RNPEP: variants seen among roughly 807,000 people sequenced by gnomAD.
RNPEP encodes arginyl aminopeptidase.
RNPEP carries 57 observed loss-of-function variants against 70.1 expected under a neutral mutation model. The observed-to-expected ratio is 0.81, with a 90% CI of 0.66 to 1.01. The LOEUF (loss-of-function observed/expected upper bound fraction) is 1.01. RNPEP is among the 50% of genes least tolerant of loss of function. RNPEP has a pLI of 0.00. For missense variants in RNPEP, 787 were observed against 852.4 expected (o/e 0.92, Z 0.96); for synonymous variants, 335 against 357.4 (o/e 0.94, Z 0.71).
chr1:202,004,636 C>G (rs1683975213), intron 10 of RNPEP, 140 bp downstream of exon 10: 3 of 1,013,864 alleles, frequency 3.0e-6, no homozygotes, highest in South Asian at 1.6e-5. Flanking sequence ...GACCCTACCA[C>G]TCAGCCTCTT....
At position 201,983,124 on chromosome 1, in the gene RNPEP, C is replaced by T. The variant is rs757478774; in HGVS notation, c.447+11C>T. 1 of 1,449,740 alleles carries T rather than the reference C, an allele frequency of 6.9e-7. No homozygotes were observed. The highest frequency in any genetic ancestry group is 2.7e-5 in the Admixed American group (1 of 36,386). 89.8% of individuals were successfully genotyped at this position (1,449,740 alleles called of 1,614,324 possible). On this transcript the variant is annotated intron_variant, in intron 1 of 10. Coordinates refer to ENST00000295640, the MANE Select transcript of RNPEP (RefSeq NM_020216.4). ...GGGGAGGGACCCGGGGTGAGTGCGCCCCAGACTGCGCCCGCCGCTGCCTGC... is the reference window on the plus strand; with the variant it reads ...GGGGAGGGACCCGGGGTGAGTGCGCTCCAGACTGCGCCCGCCGCTGCCTGC...
intron 3 of RNPEP, 93 bp downstream of exon 3, chr1:201,989,624 G>A: frequency 7.3e-7 from 1 of 1,372,658 alleles, no homozygotes; most frequent in Non-Finnish European, 1.0e-6. Flanking sequence ...TTCTTGGGCA[G>A]TCTTGGATCC....
In RNPEP at chr1:201,997,510, G is replaced by T. The variant is rs144833089; in HGVS notation, c.1046G>T (p.Gly349Val). 1.5e-4 allele frequency: 244 copies of T among 1,614,060 alleles called. No individual in the cohort carries two copies. Among genetic ancestry groups the T allele is most frequent in the African/African-American group, 5.3e-4 (40 of 74,994 alleles). The change falls in exon 5 of 11, where the codon GGT (glycine) becomes GTT (valine). Residue 349 changes from glycine (G) to valine (V), a missense_variant. By Grantham distance (109) the Gly-to-Val change is moderately radical. Coordinates refer to ENST00000295640, the MANE Select transcript of RNPEP (RefSeq NM_020216.4). ...TGGGGTGAATTCTGGCTCAATGAAGGTTTCACCATGTACGCCCAGAGGAGG... is the reference window on the plus strand; with the variant it reads ...TGGGGTGAATTCTGGCTCAATGAAGTTTTCACCATGTACGCCCAGAGGAGG... ...ANWGEFWLNE[G>V]FTMYAQRRIS...
At position 201,999,998 on chromosome 1, in the gene RNPEP, G is replaced by A. The variant is rs527362641; in HGVS notation, c.1187G>A (p.Arg396His). ...TGEENPLNKL[R>H]VKIEPGVDPD... ...GAGGAAAACCCACTCAACAAGCTCC[G>A]CGTGAAGATTGAACCAGGTCCAGGA... The change falls in exon 6 of 11, where the codon CGC (arginine) becomes CAC (histidine). Residue 396 changes from arginine to histidine, a missense_variant. Arg to His is a conservative substitution (Grantham distance 29). Transcript: ENST00000295640. 6 of 1,613,340 alleles carry A rather than the reference G, an allele frequency of 3.7e-6. No homozygotes were observed. Among genetic ancestry groups the A allele is most frequent in the African/African-American group, 1.3e-5 (1 of 74,900 alleles).
At chr1:202,000,908 A>AC (rs1359017783) in intron 6 of RNPEP, 43 of 154,184 alleles carry the variant, frequency 2.8e-4, no homozygotes, top group African/African-American at 9.9e-4. Flanking sequence ...AAAAAAAAAA[A>AC]AAAACATTGA....
intron 1 of RNPEP, chr1:201,983,406 C>G (rs1311349349): frequency 6.7e-7 from 1 of 1,489,764 alleles, no homozygotes; most frequent in Middle Eastern, 1.9e-4. Flanking sequence ...GTCCAGATTG[C>G]GCCGCATTCC....
At position 201,989,536 on chromosome 1, in the gene RNPEP, G is replaced by T. The variant is rs778590560; in HGVS notation, c.737+5G>T. 4 of 1,614,122 alleles carry T rather than the reference G, an allele frequency of 2.5e-6. No individual in the cohort carries two copies. ...TTCGGCTGAAGTTGGACCCAGGTAG[G>T]AGACAAAGACCCCACAGGCAAGGTT... On this transcript the variant is annotated splice_donor_5th_base_variant and intron_variant, in intron 3 of 10. Transcript: ENST00000295640.
intron 9 of RNPEP, among the ~76,000 whole-genome samples, chr1:202,003,713 G>A (rs1414509120): frequency 6.6e-6 from 1 of 152,176 alleles, no homozygotes; most frequent in Non-Finnish European, 1.5e-5. Context: ...GCACCTCAAG[G>A]ACAAAGTCAC....
rs760192571 is a variant in RNPEP, at chr1:202,003,440, C to G, written c.1630C>G (p.Gln544Glu). ...QLVYFLDKIL[Q>E]KSPLPPGNVK... ...GGTCTACTTCCTGGATAAGATCCTC[C>G]AGAAATCCCCTCTCCCTCCTGGTAA... The change falls in exon 9 of 11, where the codon CAG becomes GAG. Residue 544 changes from glutamine (Q) to glutamate (E), a missense_variant. Coordinates refer to ENST00000295640, the MANE Select transcript of RNPEP (RefSeq NM_020216.4). 54 of 1,613,240 alleles carry G rather than the reference C, an allele frequency of 3.3e-5. No individual in the cohort carries two copies. The highest frequency in any genetic ancestry group is 4.5e-5 in the Non-Finnish European group (53 of 1,179,482).
chr1:202,001,286 A>G (rs965087106), intron 6 of RNPEP, 90 bp from the exon 7 acceptor site: 2 of 880,772 alleles, frequency 2.3e-6, no homozygotes, highest in Non-Finnish European at 3.7e-6. Context: ...GATCTCTTCC[A>G]TCGCTAGTCT....
intron 1 of RNPEP, among the ~76,000 whole-genome samples, chr1:201,984,681 A>T (rs1298212010): frequency 6.6e-6 from 1 of 152,146 alleles, no homozygotes; most frequent in African/African-American, 2.4e-5. Flanking sequence ...GATGGCTAAT[A>T]TTTAATAAGA....
intron 1 of RNPEP, among the ~76,000 whole-genome samples, chr1:201,987,396 A>G (rs1325276205): frequency 6.6e-6 from 1 of 150,500 alleles, no homozygotes; most frequent in Non-Finnish European, 1.5e-5. Context: ...ATAGGCAAAA[A>G]CTGGGTTTTG....
Position 202,003,254 on chromosome 1 carries a change from T to C in RNPEP, c.1444T>C (p.Trp482Arg), listed in dbSNP as rs770866945. 7 of 1,612,302 alleles carry C rather than the reference T, an allele frequency of 4.3e-6. No individual in the cohort carries two copies. The highest frequency in any genetic ancestry group is 5.9e-6 in the Non-Finnish European group (7 of 1,179,022). The stretch of plus-strand genomic sequence containing the variant: ...CCAAACAGGTTTTGAGTTTGATCGA[T>C]GGCTGAATACCCCCGGCTGGCCCCC... ...DIIPGFEFDRWLNTPGWPPYL... is the reference protein window; with the variant it reads ...DIIPGFEFDRRLNTPGWPPYL... The change falls in exon 9 of 11, where the codon TGG becomes CGG. Residue 482 changes from tryptophan (W) to arginine (R), a missense_variant. Transcript: ENST00000295640.
Position 201,982,728 on chromosome 1 carries a change from A to T in RNPEP, c.62A>T (p.Gln21Leu). The change falls in exon 1 of 11, where the codon CAG becomes CTG. Residue 21 changes from glutamine to leucine, a missense_variant. By Grantham distance (113) the Gln-to-Leu change is moderately radical. Transcript: ENST00000295640. ...GCCCGGCGGCCGCTGCACTCCGCGC[A>T]GGCTGTGGACGTGGCCTCGGCCTCC... ...GAARRPLHSA[Q>L]AVDVASASNF... The T allele has an allele frequency of 7.2e-7, 1 of 1,397,286 alleles. No individual in the cohort carries two copies. Among genetic ancestry groups the T allele is most frequent in the Non-Finnish European group, 9.3e-7 (1 of 1,072,168 alleles). 86.6% of individuals were successfully genotyped at this position (1,397,286 alleles called of 1,614,324 possible). A position where few individuals can be genotyped will look rare whatever the true frequency, so the allele number is the denominator to read the frequency against.
chr1:201,997,904 C>T (rs1188167805), intron 5 of RNPEP, among the ~76,000 whole-genome samples: 1 of 151,854 alleles, frequency 6.6e-6, no homozygotes, highest in Non-Finnish European at 1.5e-5. Flanking sequence ...GCTGGGATTA[C>T]AGGCATGCGC....
intron 6 of RNPEP, 175 bp downstream of exon 6, chr1:202,000,190 A>G: frequency 1.8e-6 from 1 of 550,254 alleles, no homozygotes; most frequent in South Asian, 2.5e-5. Context: ...AACCCAAGCC[A>G]TTGCAGCCAG....
chr1:202,001,510 A>G, intron 7 of RNPEP, 22 bp downstream of exon 7: 1 of 1,567,038 alleles, frequency 6.4e-7, no homozygotes, highest in Non-Finnish European at 8.8e-7. Context: ...TGAGGGGAGA[A>G]GGAAGAGGAG....
intron 3 of RNPEP, among the ~76,000 whole-genome samples, chr1:201,992,610 T>G (rs775800060): frequency 6.6e-6 from 1 of 152,030 alleles, no homozygotes; most frequent in Non-Finnish European, 1.5e-5. Flanking sequence ...TCCTGGGCAG[T>G]CAAGACCCTC....
In RNPEP at chr1:201,997,342, C is replaced by T. The variant is rs755333254; in HGVS notation, c.878C>T (p.Pro293Leu). Residue 293 changes from proline to leucine, a missense_variant, in exon 5 of 11, where the codon CCG (proline) becomes CTG (leucine). Coordinates refer to ENST00000295640, the MANE Select transcript of RNPEP (RefSeq NM_020216.4). The part of the protein sequence containing the change: ...WGRYDLLFMP[P>L]SFPFGGMENP... ...AGGTATGACTTGCTCTTCATGCCAC[C>T]GTCCTTTCCATTTGGAGGAATGGAG... The T allele has an allele frequency of 5.6e-6, 9 of 1,614,022 alleles. No individual in the cohort carries two copies. The highest frequency in any genetic ancestry group is 1.3e-5 in the African/African-American group (1 of 74,904).
Sources: gnomAD v4.1 joint callset for allele counts (sites outside exome capture counted in the v4.1 genomes callset) on GRCh38, gnomAD v4.1.1 for gene constraint, MANE v1.5 for transcripts, NCBI Gene and HGNC (gene_info 2026-07-23, HGNC 2026-07-21) for gene names.